The following OSBPL5 variants were observed in gnomAD, a reference collection of about 807,000 sequenced individuals.
OSBPL5 encodes the protein oxysterol binding protein like 5, also known as oxysterol-binding protein-related protein 5.
In OSBPL5, 71 loss-of-function variants were observed where a neutral mutation model predicts 111.2. The observed-to-expected ratio is 0.64, with a 90% CI of 0.53 to 0.78. The LOEUF is 0.78. Among genes scored for constraint, OSBPL5 ranks in the 30% least tolerant of loss-of-function variants. The pLI is 0.00. For missense variants in OSBPL5, 1,210 were observed against 1,189.3 expected (o/e 1.02, Z -0.26); for synonymous variants, 549 against 513.9 (o/e 1.07, Z -0.93).
chr11:3,096,030 G>A (rs144730811), intron 14 of OSBPL5, among the ~76,000 whole-genome samples: 6 of 152,272 alleles, frequency 3.9e-5, no homozygotes, highest in Non-Finnish European at 7.4e-5. Flanking sequence ...AATCCCCAGG[G>A]CAGAGGAATG....
intron 1 of OSBPL5, among the ~76,000 whole-genome samples, chr11:3,144,070 C>T (rs1267649499): frequency 6.6e-6 from 1 of 152,172 alleles, no homozygotes; most frequent in African/African-American, 2.4e-5. Context: ...ACCTCGATGG[C>T]TCCTCCCATC....
In OSBPL5 at chr11:3,162,933, C is replaced by A. The variant is rs1847009171; in HGVS notation, c.-22+2283G>T. On this transcript the variant is annotated intron_variant, in intron 1 of 21. Coordinates refer to ENST00000263650, the MANE Select transcript of OSBPL5 (RefSeq NM_020896.4). The surrounding 1 kb of genome is among the most constrained non-coding windows in gnomAD (Gnocchi z 8.1). ...CCAGCACACTGGTGCACTCCCTGGG[C>A]TCCCCTGCCAACCCTGCAAGTGGTG... is the stretch of plus-strand genomic sequence containing the variant. Among the ~76,000 whole-genome samples the A allele has an allele frequency of 6.6e-6, 1 of 152,084 alleles. No homozygotes were observed. The highest frequency in any genetic ancestry group is 1.5e-5 in the Non-Finnish European group (1 of 68,018).
chr11:3,148,457 A>T (rs915436870), intron 1 of OSBPL5, among the ~76,000 whole-genome samples: 1 of 152,256 alleles, frequency 6.6e-6, no homozygotes, highest in Non-Finnish European at 1.5e-5. Flanking sequence ...AAGGCGGGTA[A>T]CAAGATGGAA....
At chr11:3,088,762 G>A (rs1045905649) in intron 21 of OSBPL5, among the ~76,000 whole-genome samples, 6 of 152,142 alleles carry the variant, frequency 3.9e-5, no homozygotes, top group African/African-American at 1.2e-4. Flanking sequence ...GGTGGGCCCT[G>A]GTCCCATGGG....
rs553745899 is a variant in OSBPL5, at chr11:3,117,755, C to T, written c.691+1792G>A. Among the ~76,000 whole-genome samples the T allele has an allele frequency of 2.4e-4, 36 of 152,032 alleles. No individual in the cohort carries two copies. In the East Asian group the frequency reaches 6.0e-3, roughly 25 times the overall value. ...TTCAATTTTTTTCCTTCATTTTTTT[C>T]CCATTTTTCCTAATTTGGAGTCGCT... On this transcript the variant is annotated intron_variant, in intron 7 of 21. Coordinates refer to ENST00000263650, the MANE Select transcript of OSBPL5 (RefSeq NM_020896.4).
chr11:3,087,977 A>C lies in OSBPL5; in HGVS notation c.*228T>G, dbSNP rs1856927468. On this transcript the variant is annotated 3_prime_UTR_variant, in exon 22 of 22. Coordinates refer to ENST00000263650, the MANE Select transcript of OSBPL5 (RefSeq NM_020896.4). Reference sequence around the variant, plus strand: ...AGAAGCTGCATTTGGCTTTAGCATTAAGGCCAGCGCTGGGCGGAAGGCCCT... The same window carrying C: ...AGAAGCTGCATTTGGCTTTAGCATTCAGGCCAGCGCTGGGCGGAAGGCCCT... The C allele has an allele frequency of 2.5e-6, 1 of 405,686 alleles. No homozygotes were observed. Among genetic ancestry groups the C allele is most frequent in the Admixed American group, 4.4e-5 (1 of 22,550 alleles). 25.1% of individuals were successfully genotyped at this position (405,686 alleles called of 1,614,324 possible).
rs985041724 is a variant in OSBPL5, at chr11:3,140,195, GA to G, written c.-21-11027del. Among the ~76,000 whole-genome samples the G allele has an allele frequency of 6.6e-6, 1 of 152,252 alleles. No homozygotes were observed. Among genetic ancestry groups the G allele is most frequent in the African/African-American group, 2.4e-5 (1 of 41,464 alleles). On this transcript the variant is annotated intron_variant, in intron 1 of 21. Coordinates refer to ENST00000263650, the MANE Select transcript of OSBPL5 (RefSeq NM_020896.4). The surrounding 1 kb of genome is among the most constrained non-coding windows in gnomAD (Gnocchi z 4.5). ...TTAACAGAGGTTGAGTCCTCAGAAG[GA>G]GGGAGGGGATAATTGCAGTGGTGTC...
chr11:3,088,817 G>A (rs1054529433), intron 21 of OSBPL5, among the ~76,000 whole-genome samples: 2 of 152,170 alleles, frequency 1.3e-5, no homozygotes, highest in African/African-American at 2.4e-5. Context: ...CAGACACAGC[G>A]AGAAGCTGGC....
intron 7 of OSBPL5, among the ~76,000 whole-genome samples, chr11:3,117,163 C>G (rs1232941854): frequency 2.0e-5 from 3 of 152,204 alleles, no homozygotes; most frequent in Non-Finnish European, 2.9e-5. Flanking sequence ...TTTACCAAGG[C>G]TTTGCCTGGA....
chr11:3,123,178 G>C (rs1382847924), intron 3 of OSBPL5, among the ~76,000 whole-genome samples: 1 of 152,188 alleles, frequency 6.6e-6, no homozygotes, highest in Non-Finnish European at 1.5e-5. Flanking sequence ...GAGGCAGAAG[G>C]GGGCCACGGT....
chr11:3,155,513 C>T (rs1246262122), intron 1 of OSBPL5, among the ~76,000 whole-genome samples: 25 of 133,438 alleles, frequency 1.9e-4, no homozygotes, highest in Non-Finnish European at 3.9e-4. Flanking sequence ...TGCCACTCAC[C>T]CCAGGTCTGC....
Position 3,107,937 on chromosome 11 carries a change from A to C in OSBPL5, c.700T>G (p.Trp234Gly). Residue 234 changes from tryptophan (W) to glycine (G), a missense_variant, in exon 8 of 22, where the codon TGG becomes GGG. Transcript: ENST00000263650. The surrounding 1 kb of genome is among the most constrained non-coding windows in gnomAD (Gnocchi z 6.1). Reference protein sequence around the residue: ...RAASESDGRCWLDALELALRC... With the variant: ...RAASESDGRCGLDALELALRC... ...AGGGCCAGCTCCAGGGCGTCCAGCC[A>C]GCAGCGACCTGCGGGGCACACGGGA... is the stretch of plus-strand genomic sequence containing the variant. 6.3e-7 allele frequency: 1 copy of C among 1,598,916 alleles called. No homozygotes were observed. Among genetic ancestry groups the C allele is most frequent in the Non-Finnish European group, 8.5e-7 (1 of 1,179,628 alleles).
In OSBPL5 at chr11:3,141,146, C is replaced by T. The variant is rs1435117526; in HGVS notation, c.-21-11977G>A. On this transcript the variant is annotated intron_variant, in intron 1 of 21. Coordinates refer to ENST00000263650, the MANE Select transcript of OSBPL5 (RefSeq NM_020896.4). The surrounding 1 kb of genome is among the most constrained non-coding windows in gnomAD (Gnocchi z 6.5). ...CATAAAGCCTCATTCCAGGCAGTTT[C>T]GAGTGCTCTGATGCTGACAGCCACC... 5.3e-5 allele frequency among the ~76,000 whole-genome samples: 8 copies of T among 152,188 alleles called. No homozygotes were observed. The highest frequency in any genetic ancestry group is 4.4e-5 in the Non-Finnish European group (3 of 68,034).
intron 4 of OSBPL5, 124 bp from the exon 5 acceptor site, chr11:3,122,222 G>A (rs1564843843): frequency 7.6e-7 from 1 of 1,309,204 alleles, no homozygotes; most frequent in Non-Finnish European, 1.1e-6. Flanking sequence ...AGGAAGTAGG[G>A]GGTGTGGAGG....
rs981269003 is a variant in OSBPL5, at chr11:3,161,667, G to T, written c.-22+3549C>A. Among the ~76,000 whole-genome samples, 1 of 152,166 alleles carries T rather than the reference G, an allele frequency of 6.6e-6. No homozygotes were observed. Among genetic ancestry groups the T allele is most frequent in the South Asian group, 2.1e-4 (1 of 4,820 alleles). On this transcript the variant is annotated intron_variant, in intron 1 of 21. Transcript: ENST00000263650. The surrounding 1 kb of genome is among the most constrained non-coding windows in gnomAD (Gnocchi z 8.0). ...GGGACAGATGCCACGCACCAGCGGC[G>T]CCCACCATGAACCTGGCTTGGCCCA...
intron 1 of OSBPL5, among the ~76,000 whole-genome samples, chr11:3,164,638 T>C (rs1178026274): frequency 6.6e-6 from 1 of 152,190 alleles, no homozygotes; most frequent in African/African-American, 2.4e-5. Context: ...AGATGGGGGC[T>C]GTGGGCAAGG....
rs1857099365 is a variant in OSBPL5, at chr11:3,092,534, C to G, written c.2157G>C (p.Lys719Asn). The change falls in exon 19 of 22, where the codon AAG (lysine) becomes AAC (asparagine). Residue 719 changes from lysine to asparagine, a missense_variant. By Grantham distance (94) the Lys-to-Asn change is moderately conservative. Transcript: ENST00000263650. The surrounding 1 kb of genome is among the most constrained non-coding windows in gnomAD (Gnocchi z 5.4). The part of the protein sequence containing the change: ...YEDHSPWDPL[K>N]DIAQFEQDGI... ...CGTCTTGCTCAAACTGGGCGATGTCCTTCAGGGGGTCCCAGGGGCTGTGGC... is the reference window on the plus strand; with the variant it reads ...CGTCTTGCTCAAACTGGGCGATGTCGTTCAGGGGGTCCCAGGGGCTGTGGC... The G allele has an allele frequency of 1.3e-6, 2 of 1,590,910 alleles. No homozygotes were observed. The highest frequency in any genetic ancestry group is 1.3e-5 in the African/African-American group (1 of 74,616).
At position 3,128,886 on chromosome 11, in the gene OSBPL5, G is replaced by A. The variant is rs957575102; in HGVS notation, c.136+127C>T. ...ACCAAGCTACAAACCGTTTGATCAT[G>A]AAACCCACACAGTCCCCAGCATGGA... On this transcript the variant is annotated intron_variant, in intron 2 of 21. Coordinates refer to ENST00000263650, the MANE Select transcript of OSBPL5 (RefSeq NM_020896.4). The A allele has an allele frequency of 4.3e-6, 4 of 925,362 alleles. No individual in the cohort carries two copies. In the East Asian group the frequency reaches 9.9e-5, roughly 23 times the overall value. The allele number at this position is 925,362 out of a possible 1,614,324, so 57.3% of individuals were successfully genotyped here.
Position 3,088,243 on chromosome 11 carries a change from G to A in OSBPL5, c.2602C>T (p.Leu868=). 6.2e-7 allele frequency: 1 copy of A among 1,605,580 alleles called. No homozygotes were observed. The highest frequency in any genetic ancestry group is 8.5e-7 in the Non-Finnish European group (1 of 1,175,952). The change falls in exon 22 of 22, where the codon CTG becomes TTG. Residue 868 remains leucine (L), a synonymous_variant. Transcript: ENST00000263650. ...TGGTTAATGAACAGCTGACACGCCA[G>A]GAACACGCAGAGCAGGAACCAGGAT... ...PRSWFLLCVF[L]ACQLFINHIL...
Sources: gnomAD v4.1 joint callset for allele counts (sites outside exome capture counted in the v4.1 genomes callset) on GRCh38, gnomAD v4.1.1 for gene constraint, Gnocchi (gnomAD v3.1) non-coding constraint, MANE v1.5 for transcripts, NCBI Gene and HGNC (gene_info 2026-07-23, HGNC 2026-07-21) for gene names.